Variants in RPS6KC1 observed in about 807,000 individuals in gnomAD.
RPS6KC1 encodes the protein inactive ribosomal protein S6 kinase delta-1.
In RPS6KC1, 54 loss-of-function variants were observed where a neutral mutation model predicts 103.8. That is an observed-to-expected ratio of 0.52 (90% CI 0.42 to 0.65). RPS6KC1 has a LOEUF of 0.65. Among genes scored for constraint, RPS6KC1 ranks in the 30% least tolerant of loss-of-function variants. The probability of loss-of-function intolerance (pLI) is 0.00; values close to 1 mark genes in which losing one functional copy is unlikely to be tolerated. For missense variants in RPS6KC1, 1,151 were observed against 1,253.8 expected (o/e 0.92, Z 1.24); for synonymous variants, 439 against 438.7 (o/e 1.00, Z -0.01).
chr1:213,367,927 CT>C, the RPS6KC1 span, among the ~76,000 whole-genome samples: 1 of 152,342 alleles, frequency 6.6e-6, no homozygotes, highest in African/African-American at 2.4e-5. Flanking sequence ...TCTTCAGTTT[CT>C]TTTATCCCTA....
chr1:213,817,244 C>G, the RPS6KC1 span, among the ~76,000 whole-genome samples: 1 of 152,212 alleles, frequency 6.6e-6, no homozygotes, highest in African/African-American at 2.4e-5. Context: ...TCATCGGCTC[C>G]CCTCCTCCCA....
chr1:213,101,861 A>G (rs185356945), intron 3 of RPS6KC1, among the ~76,000 whole-genome samples: 4 of 152,306 alleles, frequency 2.6e-5, no homozygotes, highest in African/African-American at 4.8e-5. Flanking sequence ...ATTTAGGCAA[A>G]ATAAGGAATA....
chr1:213,544,786 G>T, the RPS6KC1 span, among the ~76,000 whole-genome samples: 1 of 152,090 alleles, frequency 6.6e-6, no homozygotes, highest in Non-Finnish European at 1.5e-5. Context: ...CACCTTAGAG[G>T]GTCTTCTCTG....
chr1:213,687,765 C>A, the RPS6KC1 span, among the ~76,000 whole-genome samples: 13,162 of 152,200 alleles, frequency 0.086, 670 homozygotes, highest in African/African-American at 0.11. Context: ...GATTATTTAT[C>A]AATAATCATG....
chr1:213,684,588 G>A, the RPS6KC1 span, among the ~76,000 whole-genome samples: 2 of 152,194 alleles, frequency 1.3e-5, no homozygotes, highest in Non-Finnish European at 2.9e-5. Context: ...CATGCCCTCA[G>A]GTCATGTGAT....
chr1:213,779,165 T>C, the RPS6KC1 span, among the ~76,000 whole-genome samples: 4 of 152,142 alleles, frequency 2.6e-5, no homozygotes, highest in Non-Finnish European at 4.4e-5. Flanking sequence ...AGGAGCACAA[T>C]GAAAGGATGA....
chr1:213,766,936 C>A, the RPS6KC1 span, among the ~76,000 whole-genome samples: 1 of 152,138 alleles, frequency 6.6e-6, no homozygotes, highest in South Asian at 2.1e-4. Context: ...TCAACCAGAA[C>A]CCCGGTTTTT....
rs753962178 is a variant in RPS6KC1 at position 213,129,701 on chromosome 1, CAGA to C, written c.655_657del (p.Glu219del). 9.3e-6 allele frequency: 15 copies of C among 1,613,892 alleles called. No individual in the cohort carries two copies. The highest frequency in any genetic ancestry group is 2.7e-5 in the African/African-American group (2 of 74,914). ...GCTTCTGACAGTGAACAGAGCAAAA[CAGA>C]AGAAGAACGGGAAAGTCGTAGCCTC... On this transcript the variant is annotated inframe_deletion, in exon 6 of 15. Transcript: ENST00000366960.
the RPS6KC1 span, chr1:213,835,995 T>G: frequency 6.6e-6 from 1 of 152,090 alleles, no homozygotes; most frequent in Admixed American, 6.6e-5. Flanking sequence ...GATTGCATTA[T>G]ATTTATAAAA....
intron 4 of RPS6KC1, 100 bp from the exon 5 acceptor site, chr1:213,117,217 C>G: frequency 4.0e-4 from 225 of 562,278 alleles, no homozygotes; most frequent in Non-Finnish European, 3.6e-4. Flanking sequence ...ATAGTCGTTT[C>G]TGTACATCTT....
chr1:213,592,959 G>A, the RPS6KC1 span, among the ~76,000 whole-genome samples: 1 of 152,248 alleles, frequency 6.6e-6, no homozygotes, highest in East Asian at 1.9e-4. Flanking sequence ...GTGCAAGCCA[G>A]GGGTTAGGAG....
At chr1:213,233,405 G>A (rs1248197540) in intron 10 of RPS6KC1, among the ~76,000 whole-genome samples, 3 of 152,144 alleles carry the variant, frequency 2.0e-5, no homozygotes, top group Non-Finnish European at 2.9e-5. Context: ...ATCTGATAGC[G>A]AAATACAGCC....
At chr1:213,786,335 C>A in the RPS6KC1 span, among the ~76,000 whole-genome samples, 1 of 152,170 alleles carries the variant, frequency 6.6e-6, no homozygotes, top group African/African-American at 2.4e-5. Flanking sequence ...TCCCCCATCT[C>A]ATTAGCCACA....
At chr1:213,584,435 C>T in the RPS6KC1 span, among the ~76,000 whole-genome samples, 1 of 152,314 alleles carries the variant, frequency 6.6e-6, no homozygotes, top group African/African-American at 2.4e-5. Context: ...ATCTGGTATT[C>T]TAACAGAGAA....
intron 14 of RPS6KC1, among the ~76,000 whole-genome samples, chr1:213,271,429 G>A (rs903489130): frequency 6.6e-6 from 1 of 152,130 alleles, no homozygotes; most frequent in African/African-American, 2.4e-5. Flanking sequence ...TGGGGGTGGG[G>A]ATTAACTGTA....
intron 6 of RPS6KC1, among the ~76,000 whole-genome samples, chr1:213,148,320 A>G (rs1308641681): frequency 1.3e-5 from 2 of 152,198 alleles, no homozygotes; most frequent in Admixed American, 1.3e-4. Context: ...GGTCTGTCAT[A>G]TATGGCTTTT....
At chr1:213,828,489 T>A in the RPS6KC1 span, among the ~76,000 whole-genome samples, 1 of 152,154 alleles carries the variant, frequency 6.6e-6, no homozygotes. Flanking sequence ...AAACAAGTTA[T>A]AAATAAACAG....
chr1:213,606,771 C>G, the RPS6KC1 span, among the ~76,000 whole-genome samples: 1 of 152,124 alleles, frequency 6.6e-6, no homozygotes, highest in Non-Finnish European at 1.5e-5. Context: ...CAACTGTTTT[C>G]CTCATTGTGG....
At chr1:213,280,069 CATTTTCAGTGT>C in the RPS6KC1 span, among the ~76,000 whole-genome samples, 1 of 152,088 alleles carries the variant, frequency 6.6e-6, no homozygotes, top group African/African-American at 2.4e-5. Context: ...AGTTTGAAGA[CATTTTCAGTGT>C]TTATCATATT....
Sources: allele counts gnomAD v4.1 joint callset (sites outside exome capture counted in the v4.1 genomes callset), GRCh38; gene constraint gnomAD v4.1.1; transcripts MANE v1.5; gene names NCBI Gene and HGNC (gene_info 2026-07-23, HGNC 2026-07-21).